Variants in CNTNAP5 observed in about 807,000 individuals in gnomAD.
CNTNAP5 encodes contactin-associated protein-like 5.
CNTNAP5 carries 72 observed loss-of-function variants against 150.2 expected under a neutral mutation model. That is an observed-to-expected ratio of 0.48 (90% CI 0.40 to 0.58). The LOEUF (loss-of-function observed/expected upper bound fraction) is 0.58. CNTNAP5 is among the 20% of genes least tolerant of loss of function. The pLI, the probability that CNTNAP5 is intolerant of heterozygous loss-of-function variation, is 0.00. For missense variants in CNTNAP5, 1,636 were observed against 1,626.2 expected, an observed-to-expected ratio of 1.01 and a Z score of -0.10; for synonymous variants, 672 against 619.8, an observed-to-expected ratio of 1.08 and a Z score of -1.25.
chr2:124,396,636 A>G (rs1401931352), intron 3 of CNTNAP5, among the ~76,000 whole-genome samples: 4 of 152,166 alleles, frequency 2.6e-5, no homozygotes, highest in Non-Finnish European at 4.4e-5. Context: ...CTTCTTTTCA[A>G]TATTATACCT....
At chr2:124,229,105 C>A (rs1191954696) in intron 2 of CNTNAP5, among the ~76,000 whole-genome samples, 2 of 152,038 alleles carry the variant, frequency 1.3e-5, no homozygotes, top group Non-Finnish European at 2.9e-5. Flanking sequence ...GCCCTATACC[C>A]AGGAAGAAAG....
intron 6 of CNTNAP5, among the ~76,000 whole-genome samples, chr2:124,450,977 A>C (rs1401257937): frequency 4.9e-5 from 7 of 141,574 alleles, no homozygotes; most frequent in Non-Finnish European, 1.1e-4. Flanking sequence ...GCAGTGAGCT[A>C]TGATAGCACC....
rs781010865 is a variant in CNTNAP5, at chr2:124,911,474, T to C, written c.3663T>C (p.Phe1221=). Residue 1221 remains phenylalanine, a synonymous_variant, in exon 23 of 24, where the codon TTT becomes TTC. Transcript: ENST00000682447. ...GTCTTTTACTCCTTTCAGATCCTTT[T>C]GGGAAGACAGATGAGCGGGAACCAC... The part of the protein sequence containing the change: ...VTTVHSSSDP[F]GKTDEREPLT... The C allele has an allele frequency of 1.3e-6, 2 of 1,597,274 alleles. No homozygotes were observed. The highest frequency in any genetic ancestry group is 1.7e-6 in the Non-Finnish European group (2 of 1,171,070).
At chr2:124,510,477 GTATATATATA>G (rs70996072) in intron 8 of CNTNAP5, among the ~76,000 whole-genome samples, 6,272 of 102,572 alleles carry the variant, frequency 0.061, 293 homozygotes, top group Middle Eastern at 0.16. Flanking sequence ...TTATGTATGT[GTATATATATA>G]TATATATATA....
chr2:124,865,880 G>A (rs1677620961), intron 20 of CNTNAP5, among the ~76,000 whole-genome samples: 1 of 151,788 alleles, frequency 6.6e-6, no homozygotes, highest in Non-Finnish European at 1.5e-5. Flanking sequence ...AAAGGCAGAG[G>A]TTGCAGTGAG....
intron 6 of CNTNAP5, among the ~76,000 whole-genome samples, chr2:124,470,619 A>G (rs1481957585): frequency 6.6e-6 from 1 of 151,930 alleles, no homozygotes; most frequent in Non-Finnish European, 1.5e-5. Context: ...TGCTTTTGGC[A>G]TCTTCGTTAT....
intron 3 of CNTNAP5, among the ~76,000 whole-genome samples, chr2:124,268,275 G>C (rs943935400): frequency 6.6e-6 from 1 of 152,170 alleles, no homozygotes; most frequent in South Asian, 2.1e-4. Flanking sequence ...GTGTTGTTTT[G>C]TTGTGTTTTC....
intron 1 of CNTNAP5, among the ~76,000 whole-genome samples, chr2:124,122,759 GACACACAC>G (rs66540981): frequency 3.3e-4 from 42 of 127,754 alleles, no homozygotes; most frequent in South Asian, 9.5e-4. Context: ...GGTGGTAAAA[GACACACAC>G]ACACACACAC....
chr2:124,054,373 A>G (rs1233827150), intron 1 of CNTNAP5, among the ~76,000 whole-genome samples: 1 of 152,196 alleles, frequency 6.6e-6, no homozygotes, highest in Admixed American at 6.5e-5. Context: ...TTTAAAAATT[A>G]GAGCTGATGC....
At position 124,855,166 on chromosome 2, in the gene CNTNAP5, G is replaced by GTTTTTTTT. The variant is rs1558801475; in HGVS notation, c.3218-10140_3218-10139insTTTTTTTT. Among the ~76,000 whole-genome samples the GTTTTTTTT allele has an allele frequency of 9.0e-5, 7 of 77,500 alleles. 1 individual carries two copies. The highest frequency in any genetic ancestry group is 3.2e-4 in the African/African-American group (7 of 22,032). The allele number at this position is 77,500 out of a possible 152,430, so 50.8% of individuals were successfully genotyped here. Reference sequence around the variant, plus strand: ...TAGAATTAGAAAGCCTTGGGCTTTTGCTTTTTTTTTTTTTTTTTTTTTTTT... The same window carrying GTTTTTTTT: ...TAGAATTAGAAAGCCTTGGGCTTTTGTTTTTTTTCTTTTTTTTTTTTTTTTTTTTTTTT... On this transcript the variant is annotated intron_variant, in intron 19 of 23. Coordinates refer to ENST00000682447, the MANE Select transcript of CNTNAP5 (RefSeq NM_001367498.1).
At chr2:124,514,706 G>A (rs773563329) in intron 8 of CNTNAP5, among the ~76,000 whole-genome samples, 9 of 152,136 alleles carry the variant, frequency 5.9e-5, no homozygotes, top group African/African-American at 9.7e-5. Flanking sequence ...CTAGAGGTGG[G>A]GATATCACAG....
At chr2:124,038,754 G>A (rs569219796) in intron 1 of CNTNAP5, among the ~76,000 whole-genome samples, 58 of 152,308 alleles carry the variant, frequency 3.8e-4, no homozygotes, top group African/African-American at 1.2e-3. Flanking sequence ...TCTTCATGTA[G>A]GTACCGTGTG....
chr2:124,054,261 T>C (rs1681786236), intron 1 of CNTNAP5, among the ~76,000 whole-genome samples: 1 of 152,162 alleles, frequency 6.6e-6, no homozygotes, highest in Non-Finnish European at 1.5e-5. Flanking sequence ...TTTTAAACTG[T>C]ATATTTGGGT....
intron 18 of CNTNAP5, among the ~76,000 whole-genome samples, chr2:124,791,836 T>C (rs1681740951): frequency 6.6e-6 from 1 of 152,026 alleles, no homozygotes; most frequent in East Asian, 1.9e-4. Flanking sequence ...GCAAGTTACA[T>C]AGGCAAGTGT....
chr2:124,127,268 GACAA>G (rs1196366522), intron 1 of CNTNAP5, among the ~76,000 whole-genome samples: 23 of 152,120 alleles, frequency 1.5e-4, no homozygotes, highest in Non-Finnish European at 2.2e-4. Context: ...ACCAATAACA[GACAA>G]ACAGAGAGCC....
intron 2 of CNTNAP5, among the ~76,000 whole-genome samples, chr2:124,231,515 C>T (rs1464169743): frequency 6.6e-6 from 1 of 152,232 alleles, no homozygotes; most frequent in South Asian, 2.1e-4. Context: ...TAAAGATGCT[C>T]TTGACATAAT....
At chr2:124,264,401 C>G (rs546774257) in intron 3 of CNTNAP5, among the ~76,000 whole-genome samples, 2 of 142,164 alleles carry the variant, frequency 1.4e-5, no homozygotes, top group Admixed American at 7.0e-5. Flanking sequence ...CACACACACA[C>G]ACACACACAC....
intron 13 of CNTNAP5, among the ~76,000 whole-genome samples, chr2:124,688,144 A>G (rs1679230165): frequency 1.3e-5 from 2 of 152,096 alleles, no homozygotes; most frequent in African/African-American, 4.8e-5. Context: ...TCATACTATA[A>G]CTTAACTCTG....
chr2:124,315,623 T>G (rs1688942493), intron 3 of CNTNAP5, among the ~76,000 whole-genome samples: 1 of 152,234 alleles, frequency 6.6e-6, no homozygotes, highest in African/African-American at 2.4e-5. Context: ...ACTTGAAAGC[T>G]GTTGATCTTG....
Sources: gnomAD v4.1 joint callset for allele counts (sites outside exome capture counted in the v4.1 genomes callset) on GRCh38, gnomAD v4.1.1 for gene constraint, MANE v1.5 for transcripts, NCBI Gene and HGNC (gene_info 2026-07-23, HGNC 2026-07-21) for gene names.